The following LMBRD2 variants were observed in gnomAD, a reference collection of about 807,000 sequenced individuals.
LMBRD2 encodes the protein G protein-coupled receptor-associated protein LMBRD2.
A neutral mutation model predicts 94.4 loss-of-function variants in LMBRD2; 55 were observed. The observed-to-expected ratio is 0.58, with a 90% CI of 0.47 to 0.73. The LOEUF (loss-of-function observed/expected upper bound fraction) is 0.73, where lower values mean the gene tolerates loss of function less well. Among genes scored for constraint, LMBRD2 ranks in the 30% least tolerant of loss-of-function variants. The pLI, the probability that LMBRD2 is intolerant of heterozygous loss-of-function variation, is 0.00. For synonymous variants in LMBRD2, 246 were observed against 272.4 expected, an observed-to-expected ratio of 0.90 and a Z score of 0.95; for missense variants, 640 against 831.9, an observed-to-expected ratio of 0.77 and a Z score of 2.84.
intron 1 of LMBRD2, among the ~76,000 whole-genome samples, chr5:36,149,264 A>G (rs1236077159): frequency 6.6e-6 from 1 of 152,232 alleles, no homozygotes; most frequent in African/African-American, 2.4e-5. Flanking sequence ...TAAAAAAAAT[A>G]CATTAGGGGG....
At chr5:36,113,059 T>C (rs771214874) in intron 13 of LMBRD2, among the ~76,000 whole-genome samples, 3 of 152,162 alleles carry the variant, frequency 2.0e-5, no homozygotes, top group Non-Finnish European at 4.4e-5. Flanking sequence ...TATTGTCTTA[T>C]GCCCTATTTC....
At chr5:36,147,902 C>T (rs1038610027) in intron 1 of LMBRD2, 19 of 431,060 alleles carry the variant, frequency 4.4e-5, no homozygotes, top group Admixed American at 1.7e-4. Context: ...AATTTCTGAC[C>T]GGAACCTAAT....
At chr5:36,114,925 C>A in intron 12 of LMBRD2, 90 bp downstream of exon 12, 2 of 839,276 alleles carry the variant, frequency 2.4e-6, no homozygotes, top group Middle Eastern at 2.4e-4. Context: ...CACTATAGAA[C>A]TTTTCTGCTG....
Position 36,116,581 on chromosome 5 carries a change from G to A in LMBRD2, c.1315C>T (p.Leu439Phe), listed in dbSNP as rs759850451. The change falls in exon 11 of 18, where the codon CTT becomes TTT. Residue 439 changes from leucine to phenylalanine, a missense_variant. Around this residue, in one of 2 missense-constraint regions of LMBRD2, gnomAD observed 457 missense variants for 642.8 expected, o/e 0.71. Coordinates refer to ENST00000296603, the MANE Select transcript of LMBRD2 (RefSeq NM_001007527.2). ...NYIYIEIACF[L>F]SIFFLSICVY... ...CAGATACTTAGGAAGAAGATGGAAA[G>A]GAAGCAGGCAATCTGGAAAAAAACA... The A allele has an allele frequency of 2.5e-6, 4 of 1,611,272 alleles. No homozygotes were observed. The South Asian group carries it at 4.4e-5, about 18-fold the overall frequency.
chr5:36,114,610 T>C (rs1581045105), intron 12 of LMBRD2, 89 bp from the exon 13 acceptor site: 1 of 1,363,920 alleles, frequency 7.3e-7, no homozygotes, highest in East Asian at 2.8e-5. Flanking sequence ...TATAACCAGT[T>C]ATATCAATCC....
rs1329682923 is a variant in LMBRD2 at position 36,111,325 on chromosome 5, T to C, written c.1641-67A>G. ...CATTGTAAATATTTAGATGAATTGT[T>C]CTTTAGCATTGTCACTCCAAAAGAA... On this transcript the variant is annotated intron_variant, in intron 13 of 17. Transcript: ENST00000296603. The C allele has an allele frequency of 2.9e-6, 3 of 1,047,630 alleles. No homozygotes were observed. The African/African-American group carries it at 4.8e-5, about 17-fold the overall frequency. The allele number at this position is 1,047,630 out of a possible 1,614,324, so 64.9% of individuals were successfully genotyped here.
intron 1 of LMBRD2, among the ~76,000 whole-genome samples, chr5:36,150,525 T>A (rs573761963): frequency 6.6e-6 from 1 of 152,352 alleles, no homozygotes; most frequent in African/African-American, 2.4e-5. Flanking sequence ...TCAAAAATAT[T>A]TTCTCCTATG....
rs534288084 is a variant in LMBRD2 at position 36,111,786 on chromosome 5, T to A, written c.1641-528A>T. Among the ~76,000 whole-genome samples, 24 of 152,184 alleles carry A rather than the reference T, an allele frequency of 1.6e-4. 1 individual carries two copies. The South Asian group carries it at 4.8e-3, about 30-fold the overall frequency. On this transcript the variant is annotated intron_variant, in intron 13 of 17. Coordinates refer to ENST00000296603, the MANE Select transcript of LMBRD2 (RefSeq NM_001007527.2). ...TAAGCAGGATTAATATTTCTTAAGA[T>A]CCAACTATACATCAGATAATTTACA...
chr5:36,099,141 A>G lies in LMBRD2; in HGVS notation c.*4905T>C, dbSNP rs1005124969. On this transcript the variant is annotated 3_prime_UTR_variant, in exon 18 of 18. Coordinates refer to ENST00000296603, the MANE Select transcript of LMBRD2 (RefSeq NM_001007527.2). ...CGGGATCTAGGAGTATTTCAAGCTCACACTGGACTACTGAACTTTAGAATA... is the reference window on the plus strand; with the variant it reads ...CGGGATCTAGGAGTATTTCAAGCTCGCACTGGACTACTGAACTTTAGAATA... The G allele has an allele frequency of 6.6e-6, 1 of 152,116 alleles. No homozygotes were observed. The highest frequency in any genetic ancestry group is 2.4e-5 in the African/African-American group (1 of 41,456). The allele number at this position is 152,116 out of a possible 1,614,324, so 9.4% of individuals were successfully genotyped here.
intron 6 of LMBRD2, among the ~76,000 whole-genome samples, chr5:36,124,956 A>C (rs1356920177): frequency 6.6e-6 from 1 of 152,108 alleles, no homozygotes; most frequent in Non-Finnish European, 1.5e-5. Flanking sequence ...AAATAGATTA[A>C]AATTTAAAAA....
chr5:36,117,607 A>C, intron 10 of LMBRD2, 128 bp downstream of exon 10: 1 of 555,900 alleles, frequency 1.8e-6, no homozygotes, highest in Non-Finnish European at 3.0e-6. Context: ...CATTTCTGGA[A>C]GTTTGAATAA....
intron 15 of LMBRD2, among the ~76,000 whole-genome samples, chr5:36,108,955 T>A (rs1427953850): frequency 6.6e-6 from 1 of 152,106 alleles, no homozygotes; most frequent in Non-Finnish European, 1.5e-5. Context: ...AGAGAACCCA[T>A]AATGACTAAC....
intron 1 of LMBRD2, among the ~76,000 whole-genome samples, chr5:36,144,885 AT>A (rs1178068901): frequency 6.6e-6 from 1 of 152,110 alleles, no homozygotes; most frequent in Non-Finnish European, 1.5e-5. Context: ...TTTCTTCACT[AT>A]TTTTTATATT....
chr5:36,151,443 G>T lies in LMBRD2; in HGVS notation c.-58+113C>A, dbSNP rs927251117. The T allele has an allele frequency of 6.6e-6, 1 of 152,212 alleles. No individual in the cohort carries two copies. Among genetic ancestry groups the T allele is most frequent in the South Asian group, 2.1e-4 (1 of 4,832 alleles). 9.4% of individuals were successfully genotyped at this position (152,212 alleles called of 1,614,324 possible). The stretch of plus-strand genomic sequence containing the variant: ...GTTGTGCGTTATTTTACAGATAAAG[G>T]AAGGATCCCGTCCACAGACCCAATT... On this transcript the variant is annotated intron_variant, in intron 1 of 17. Coordinates refer to ENST00000296603, the MANE Select transcript of LMBRD2 (RefSeq NM_001007527.2). This position sits in a 1 kb window ranked among gnomAD's most constrained non-coding sequence, Gnocchi z 4.7.
At chr5:36,105,334 G>A in intron 16 of LMBRD2, 137 bp from the exon 17 acceptor site, 1 of 747,576 alleles carries the variant, frequency 1.3e-6, no homozygotes, top group South Asian at 2.1e-5. Flanking sequence ...ATAACTACAT[G>A]GTTCCTTAAA....
chr5:36,139,415 G>A (rs1032295037), intron 4 of LMBRD2, among the ~76,000 whole-genome samples: 2 of 152,192 alleles, frequency 1.3e-5, no homozygotes, highest in Admixed American at 1.3e-4. Context: ...ATGATTGATG[G>A]TGGCAGGAGG....
chr5:36,128,724 C>CA (rs1744066491), intron 6 of LMBRD2, among the ~76,000 whole-genome samples: 1 of 151,388 alleles, frequency 6.6e-6, no homozygotes, highest in African/African-American at 2.4e-5. Context: ...GACCCTGCCT[C>CA]AAAAAAATTA....
At chr5:36,106,559 G>C (rs1743476741) in intron 16 of LMBRD2, among the ~76,000 whole-genome samples, 1 of 146,750 alleles carries the variant, frequency 6.8e-6, no homozygotes, top group Non-Finnish European at 1.5e-5. Flanking sequence ...GCCCAGGCTG[G>C]AGTGCAGTGA....
At chr5:36,132,690 T>TGTG (rs1242954950) in intron 6 of LMBRD2, among the ~76,000 whole-genome samples, 5 of 142,072 alleles carry the variant, frequency 3.5e-5, no homozygotes, top group Non-Finnish European at 7.7e-5. Context: ...GACATACAAA[T>TGTG]GGCAAACAGG....
Sources: gnomAD v4.1 joint callset for allele counts (sites outside exome capture counted in the v4.1 genomes callset) on GRCh38, gnomAD v4.1.1 for gene constraint, gnomAD v4.1.1 regional missense constraint, Gnocchi (gnomAD v3.1) non-coding constraint, MANE v1.5 for transcripts, NCBI Gene and HGNC (gene_info 2026-07-23, HGNC 2026-07-21) for gene names.